The following CFAP61 variants were observed in gnomAD, a reference collection of about 807,000 sequenced individuals.
CFAP61 encodes cilia- and flagella-associated protein 61.
CFAP61 carries 107 observed loss-of-function variants against 135.6 expected under a neutral mutation model. The ratio of observed to expected loss-of-function variants is 0.79; its 90% CI spans 0.67 to 0.93. The LOEUF (loss-of-function observed/expected upper bound fraction) is 0.93, where lower values mean the gene tolerates loss of function less well. Ranked by LOEUF, CFAP61 falls within the 40% of genes least tolerant of loss-of-function variation. The pLI is 0.00. For missense variants in CFAP61, 1,507 were observed against 1,556.2 expected (o/e 0.97, Z 0.53); for synonymous variants, 575 against 578.5 (o/e 0.99, Z 0.09).
At chr20:20,159,476 C>A in intron 10 of CFAP61, 32 bp downstream of exon 10, 1 of 1,577,200 alleles carries the variant, frequency 6.3e-7, no homozygotes, top group Non-Finnish European at 8.7e-7. Context: ...TGCGTGCCTT[C>A]TAGCCACCCC....
chr20:20,086,753 T>G (rs77231936), intron 6 of CFAP61, among the ~76,000 whole-genome samples: 1 of 152,142 alleles, frequency 6.6e-6, no homozygotes, highest in East Asian at 1.9e-4. Flanking sequence ...GAATTCCTTC[T>G]GTGTCCCTAA....
chr20:20,187,094 A>G (rs892155109), intron 13 of CFAP61, among the ~76,000 whole-genome samples: 1 of 152,140 alleles, frequency 6.6e-6, no homozygotes, highest in African/African-American at 2.4e-5. Flanking sequence ...TGCTAGCCGA[A>G]CACGCCATGG....
intron 20 of CFAP61, among the ~76,000 whole-genome samples, chr20:20,255,326 G>A (rs1378570534): frequency 6.6e-6 from 1 of 152,186 alleles, no homozygotes; most frequent in Non-Finnish European, 1.5e-5. Flanking sequence ...CTCATAAAGA[G>A]GAAGAACAAA....
chr20:20,232,749 G>A (rs947962149), intron 18 of CFAP61: 3 of 152,024 alleles, frequency 2.0e-5, no homozygotes, highest in East Asian at 3.8e-4. Flanking sequence ...ATTTAATCCC[G>A]ACGTAAAGAA....
chr20:20,164,153 T>G lies in CFAP61; in HGVS notation c.1130T>G (p.Phe377Cys). 6.2e-7 allele frequency: 1 copy of G among 1,614,144 alleles called. No homozygotes were observed. Residue 377 changes from phenylalanine (F) to cysteine (C), a missense_variant, in exon 11 of 27, where the codon TTC becomes TGC. Coordinates refer to ENST00000245957, the MANE Select transcript of CFAP61 (RefSeq NM_015585.4). ...SLVLPEEPVHFRPIYRGASAA... is the reference protein window; with the variant it reads ...SLVLPEEPVHCRPIYRGASAA... ...GTACTGCCTGAAGAGCCCGTCCACT[T>G]CCGCCCCATCTACAGGGGAGCCTCA...
chr20:20,220,934 C>G (rs1327902), intron 17 of CFAP61: 131,580 of 152,236 alleles, frequency 0.86, 57,039 homozygotes, highest in African/African-American at 0.92. Flanking sequence ...TTGTTAAAGA[C>G]ATATATCTGT....
At chr20:20,209,388 A>C (rs2047468437) in intron 17 of CFAP61, among the ~76,000 whole-genome samples, 1 of 152,238 alleles carries the variant, frequency 6.6e-6, no homozygotes, top group Non-Finnish European at 1.5e-5. Flanking sequence ...CTATCTCTTT[A>C]ATCAAAAAGC....
chr20:20,211,017 A>C (rs1416260385), intron 17 of CFAP61, among the ~76,000 whole-genome samples: 2 of 152,250 alleles, frequency 1.3e-5, no homozygotes, highest in East Asian at 3.8e-4. Context: ...GTGAAAGATC[A>C]GGAAAAACAA....
At chr20:20,061,454 A>G (rs2044789846) in intron 2 of CFAP61, among the ~76,000 whole-genome samples, 1 of 152,226 alleles carries the variant, frequency 6.6e-6, no homozygotes, top group African/African-American at 2.4e-5. Context: ...AGAAATATTT[A>G]AAGTCAAAGT....
chr20:20,349,727 T>G (rs1249844079), intron 26 of CFAP61, among the ~76,000 whole-genome samples: 1 of 152,194 alleles, frequency 6.6e-6, no homozygotes. Flanking sequence ...CTACAAAACA[T>G]TTTTGAAAGA....
At chr20:20,220,434 A>G (rs1040193661) in intron 17 of CFAP61, among the ~76,000 whole-genome samples, 1 of 152,106 alleles carries the variant, frequency 6.6e-6, no homozygotes, top group Non-Finnish European at 1.5e-5. Context: ...AAATTATCGA[A>G]CCTAAGCAGG....
At chr20:20,180,304 G>A (rs1302044523) in intron 13 of CFAP61, among the ~76,000 whole-genome samples, 1 of 151,740 alleles carries the variant, frequency 6.6e-6, no homozygotes. Context: ...ACTCCAGCCT[G>A]GGCAACAGAG....
chr20:20,070,778 G>A, intron 2 of CFAP61, 76 bp from the exon 3 acceptor site: 2 of 1,420,870 alleles, frequency 1.4e-6, no homozygotes, highest in Non-Finnish European at 1.9e-6. Flanking sequence ...CCAGTAGCCA[G>A]AGGGAAAAAA....
At chr20:20,057,168 C>T (rs957031280) in intron 2 of CFAP61, among the ~76,000 whole-genome samples, 3 of 149,810 alleles carry the variant, frequency 2.0e-5, no homozygotes, top group African/African-American at 7.4e-5. Context: ...TATGACATGC[C>T]AGAAAAGGAT....
At chr20:20,300,178 T>C (rs2055971150) in intron 25 of CFAP61, among the ~76,000 whole-genome samples, 1 of 152,232 alleles carries the variant, frequency 6.6e-6, no homozygotes, top group Non-Finnish European at 1.5e-5. Flanking sequence ...CACACAGTTA[T>C]GTCCAGTGCA....
At chr20:20,105,641 T>C (rs926643242) in intron 8 of CFAP61, among the ~76,000 whole-genome samples, 1 of 138,914 alleles carries the variant, frequency 7.2e-6, no homozygotes. Context: ...TATTTATTTT[T>C]ATTGTTTTGA....
At chr20:20,204,831 T>C (rs1427443599) in intron 17 of CFAP61, among the ~76,000 whole-genome samples, 1 of 152,198 alleles carries the variant, frequency 6.6e-6, no homozygotes, top group African/African-American at 2.4e-5. Flanking sequence ...GAAATGAAAT[T>C]AACCCACTTT....
intron 13 of CFAP61, among the ~76,000 whole-genome samples, chr20:20,174,896 G>A (rs2054494285): frequency 6.6e-6 from 1 of 152,238 alleles, no homozygotes; most frequent in African/African-American, 2.4e-5. Flanking sequence ...GCATCAGTTA[G>A]CCCGAGGTGG....
chr20:20,226,509 T>G (rs2048744732), intron 17 of CFAP61, among the ~76,000 whole-genome samples: 1 of 152,208 alleles, frequency 6.6e-6, no homozygotes, highest in South Asian at 2.1e-4. Context: ...TGTGGCAATA[T>G]CTGACTGATA....
Sources: allele counts gnomAD v4.1 joint callset (sites outside exome capture counted in the v4.1 genomes callset), GRCh38; gene constraint gnomAD v4.1.1; transcripts MANE v1.5; gene names NCBI Gene and HGNC (gene_info 2026-07-23, HGNC 2026-07-21).